PRKN: variants seen among roughly 807,000 people sequenced by gnomAD.
PRKN encodes E3 ubiquitin-protein ligase parkin.
Under a neutral mutation model 59.5 loss-of-function variants are expected in PRKN, and 56 were observed. The ratio of observed to expected loss-of-function variants is 0.94; its 90% CI spans 0.76 to 1.18. The LOEUF (loss-of-function observed/expected upper bound fraction) is 1.18, where lower values mean the gene tolerates loss of function less well. PRKN is among the 50% of genes most tolerant of loss of function. PRKN has a pLI of 0.00. For synonymous variants in PRKN, 250 were observed against 222.1 expected (o/e 1.13, Z -1.12); for missense variants, 657 against 596.4 (o/e 1.10, Z -1.06).
intron 1 of PRKN, among the ~76,000 whole-genome samples, chr6:162,633,585 A>G (rs151059974): frequency 1.3e-5 from 2 of 152,240 alleles, no homozygotes; most frequent in East Asian, 3.9e-4. Context: ...CTAGTTGAGA[A>G]ATCATGTGAA....
At chr6:161,809,863 A>T (rs1264994588) in intron 6 of PRKN, among the ~76,000 whole-genome samples, 1 of 152,210 alleles carries the variant, frequency 6.6e-6, no homozygotes, top group Non-Finnish European at 1.5e-5. Context: ...TTAAGTAGCT[A>T]ATCTAAACAA....
Position 161,593,589 on chromosome 6 carries a change from G to C in PRKN, c.872-24173C>G, listed in dbSNP as rs902225499. ...GGCCAGCAGGTCTTGCTGGTGGGCTGCCCTGTGGAGCAGACAAAGGAAAAG... is the reference window on the plus strand; with the variant it reads ...GGCCAGCAGGTCTTGCTGGTGGGCTCCCCTGTGGAGCAGACAAAGGAAAAG... On this transcript the variant is annotated intron_variant, in intron 7 of 11. Transcript: ENST00000366898. This position sits in a 1 kb window ranked among gnomAD's most constrained non-coding sequence, Gnocchi z 4.8. Among the ~76,000 whole-genome samples the C allele has an allele frequency of 7.2e-5, 11 of 152,154 alleles. No individual in the cohort carries two copies. The highest frequency in any genetic ancestry group is 1.6e-4 in the Non-Finnish European group (11 of 68,024).
intron 1 of PRKN, among the ~76,000 whole-genome samples, chr6:162,594,832 T>C (rs1781439881): frequency 6.6e-6 from 1 of 152,214 alleles, no homozygotes; most frequent in Non-Finnish European, 1.5e-5. Flanking sequence ...TGTGCTATAG[T>C]TAAGCTCTTC....
At chr6:162,064,831 T>C (rs1052438571) in intron 4 of PRKN, among the ~76,000 whole-genome samples, 3 of 152,222 alleles carry the variant, frequency 2.0e-5, no homozygotes, top group Admixed American at 2.0e-4. Context: ...TGACCCAATG[T>C]GGTTGAAGAA....
intron 6 of PRKN, among the ~76,000 whole-genome samples, chr6:161,835,967 A>G (rs1792735481): frequency 6.6e-6 from 1 of 152,162 alleles, no homozygotes; most frequent in Non-Finnish European, 1.5e-5. Flanking sequence ...TTTTTGGTAC[A>G]TATTTGGTTG....
In PRKN at chr6:161,554,622, C is replaced by A. The variant is rs1415866529; in HGVS notation, c.934-5619G>T. Among the ~76,000 whole-genome samples the A allele has an allele frequency of 6.6e-6, 1 of 151,280 alleles. No individual in the cohort carries two copies. Among genetic ancestry groups the A allele is most frequent in the East Asian group, 1.9e-4 (1 of 5,144 alleles). ...TAATGAGTTTGGCTGCATAAAAAAT[C>A]TTTATATTATACATAAAAAGAATAT... On this transcript the variant is annotated intron_variant, in intron 8 of 11. Coordinates refer to ENST00000366898, the MANE Select transcript of PRKN (RefSeq NM_004562.3). The surrounding 1 kb of genome is among the most constrained non-coding windows in gnomAD (Gnocchi z 4.5).
chr6:162,005,762 A>T lies in PRKN; in HGVS notation c.619-32345T>A, dbSNP rs561212719. Among the ~76,000 whole-genome samples, 123 of 152,276 alleles carry T rather than the reference A, an allele frequency of 8.1e-4. 7 individuals carry two copies. The South Asian group carries it at 0.025, about 32-fold the overall frequency. On this transcript the variant is annotated intron_variant, in intron 5 of 11. Coordinates refer to ENST00000366898, the MANE Select transcript of PRKN (RefSeq NM_004562.3). ...TGCAGGGTCTTTGCTAATATATCAA[A>T]TCTAACCTTTTTTGGGGGGAAAAAA...
chr6:162,488,552 T>C (rs1039781296), intron 1 of PRKN, among the ~76,000 whole-genome samples: 1 of 152,146 alleles, frequency 6.6e-6, no homozygotes. Context: ...TCAGAGGCTA[T>C]CCAGCATGAT....
At position 161,419,732 on chromosome 6, in the gene PRKN, G is replaced by A. The variant is rs1583044088; in HGVS notation, c.1084-32855C>T. Among the ~76,000 whole-genome samples, 1 of 151,870 alleles carries A rather than the reference G, an allele frequency of 6.6e-6. No homozygotes were observed. Among genetic ancestry groups the A allele is most frequent in the Non-Finnish European group, 1.5e-5 (1 of 67,990 alleles). On this transcript the variant is annotated intron_variant, in intron 9 of 11. Coordinates refer to ENST00000366898, the MANE Select transcript of PRKN (RefSeq NM_004562.3). This position sits in a 1 kb window ranked among gnomAD's most constrained non-coding sequence, Gnocchi z 4.1. ...GAAATAATTAGATTCTGCTTGTGTT[G>A]AATAATTCTAGCCAGGCCGGAGTTC... is the stretch of plus-strand genomic sequence containing the variant.
At chr6:161,785,173 T>C (rs1790363746) in intron 7 of PRKN, among the ~76,000 whole-genome samples, 3 of 152,186 alleles carry the variant, frequency 2.0e-5, no homozygotes, top group Non-Finnish European at 2.9e-5. Flanking sequence ...GCAGAGGTAG[T>C]GGTTGTGCAA....
chr6:162,660,510 G>A (rs1183939078), intron 1 of PRKN, among the ~76,000 whole-genome samples: 4 of 152,150 alleles, frequency 2.6e-5, no homozygotes, highest in Non-Finnish European at 4.4e-5. Context: ...TTTTCTCGTA[G>A]AGTCTTCTAT....
chr6:161,885,508 C>CA (rs964287373), intron 6 of PRKN, among the ~76,000 whole-genome samples: 12 of 151,684 alleles, frequency 7.9e-5, no homozygotes, highest in African/African-American at 2.7e-4. Flanking sequence ...ACTAAAAATA[C>CA]AAAAAAATTA....
rs770775415 is a variant in PRKN, at chr6:162,443,322, G to C, written c.159C>G (p.Asp53Glu). The C allele has an allele frequency of 1.2e-6, 2 of 1,612,460 alleles. No individual in the cohort carries two copies. The highest frequency in any genetic ancestry group is 8.5e-7 in the Non-Finnish European group (1 of 1,180,024). The change falls in exon 2 of 12, where the codon GAC (aspartate) becomes GAG (glutamate). Residue 53 changes from aspartate (D) to glutamate (E), a missense_variant. Transcript: ENST00000366898. Reference protein sequence around the residue: ...VIFAGKELRNDWTVQNCDLDQ... With the variant: ...VIFAGKELRNEWTVQNCDLDQ... ...AAGGGAGACTCACCTGCACAGTCCA[G>C]TCATTCCTCAGCTCCTTCCCTGCGA...
chr6:162,103,379 G>A (rs977296803), intron 4 of PRKN, among the ~76,000 whole-genome samples: 9 of 152,072 alleles, frequency 5.9e-5, no homozygotes, highest in African/African-American at 2.2e-4. Context: ...TTTATCATCT[G>A]AAAAATCCCC....
At chr6:162,435,304 C>T (rs1789716901) in intron 2 of PRKN, among the ~76,000 whole-genome samples, 1 of 152,002 alleles carries the variant, frequency 6.6e-6, no homozygotes, top group Non-Finnish European at 1.5e-5. Flanking sequence ...AATGAATCCA[C>T]AGACTATATA....
rs576543765 is a variant in PRKN at position 162,090,141 on chromosome 6, T to C, written c.535-35967A>G. 9.1e-4 allele frequency among the ~76,000 whole-genome samples: 135 copies of C among 149,146 alleles called. No individual in the cohort carries two copies. In the South Asian group the frequency reaches 0.014, roughly 15 times the overall value. ...AAGTGCTGAGGAACCACGCAGTATT[T>C]GTGTGTGTGTGTGTGTCTGTGTACA... On this transcript the variant is annotated intron_variant, in intron 4 of 11. Coordinates refer to ENST00000366898, the MANE Select transcript of PRKN (RefSeq NM_004562.3).
intron 2 of PRKN, among the ~76,000 whole-genome samples, chr6:162,392,036 ATT>A (rs34291306): frequency 1.3e-5 from 2 of 150,926 alleles, no homozygotes; most frequent in East Asian, 2.0e-4. Flanking sequence ...CCATTTCATG[ATT>A]TTTTTTTCCT....
intron 5 of PRKN, among the ~76,000 whole-genome samples, chr6:162,033,564 A>T (rs1783721369): frequency 6.6e-6 from 1 of 152,160 alleles, no homozygotes; most frequent in Non-Finnish European, 1.5e-5. Context: ...TAGCCCCAAA[A>T]TATCATTTCG....
At chr6:161,630,689 T>G (rs542204649) in intron 7 of PRKN, among the ~76,000 whole-genome samples, 54 of 152,210 alleles carry the variant, frequency 3.5e-4, no homozygotes, top group Non-Finnish European at 7.1e-4. Context: ...ATCCACGGTT[T>G]TCTCTTGTCA....
Sources: gnomAD v4.1 joint callset for allele counts (sites outside exome capture counted in the v4.1 genomes callset) on GRCh38, gnomAD v4.1.1 for gene constraint, Gnocchi (gnomAD v3.1) non-coding constraint, MANE v1.5 for transcripts, NCBI Gene and HGNC (gene_info 2026-07-23, HGNC 2026-07-21) for gene names.